The following GLIS3 variants were observed in gnomAD, a reference collection of about 807,000 sequenced individuals.
GLIS3 encodes the protein zinc finger protein GLIS3.
Under a neutral mutation model 78.6 loss-of-function variants are expected in GLIS3, and 53 were observed. The ratio of observed to expected loss-of-function variants is 0.67; its 90% CI spans 0.54 to 0.85. The LOEUF is 0.85. GLIS3 is among the 40% of genes least tolerant of loss of function. The pLI is 0.00. For synonymous variants in GLIS3, 684 were observed against 509.9 expected (o/e 1.34, Z -4.60); for missense variants, 1,703 against 1,231.1 (o/e 1.38, Z -5.74).
Position 4,286,290 on chromosome 9 carries a change from T to C in GLIS3, c.136A>G (p.Thr46Ala). Reference sequence around the variant, plus strand: ...AGGCTTGCCATAGTGGGACTCGATGTGCTGCCACAGGGCGAGGGGCCAGGA... The same window carrying C: ...AGGCTTGCCATAGTGGGACTCGATGCGCTGCCACAGGGCGAGGGGCCAGGA... ...GTPGPSPCGS[T>A]SSPTMASLAN... The change falls in exon 2 of 11, where the codon ACA becomes GCA. Residue 46 changes from threonine to alanine, a missense_variant. Coordinates refer to ENST00000381971, the MANE Select transcript of GLIS3 (RefSeq NM_001042413.2). The C allele has an allele frequency of 6.2e-7, 1 of 1,614,242 alleles. No homozygotes were observed. The highest frequency in any genetic ancestry group is 8.5e-7 in the Non-Finnish European group (1 of 1,180,034).
chr9:3,998,778 TTAA>T lies in GLIS3; in HGVS notation c.1711-61592_1711-61590del, dbSNP rs35895683. Among the ~76,000 whole-genome samples, 344 of 148,584 alleles carry T rather than the reference TTAA, an allele frequency of 2.3e-3. 2 individuals carry two copies. The highest frequency in any genetic ancestry group is 5.9e-3 in the African/African-American group (241 of 41,014). On this transcript the variant is annotated intron_variant, in intron 4 of 10. Coordinates refer to ENST00000381971, the MANE Select transcript of GLIS3 (RefSeq NM_001042413.2). ...TGTTTATTAAAAATAATATTAAATA[TTAA>T]TAATATTTTAATAAAATAATATTTT...
chr9:4,049,554 A>G (rs908154368), intron 4 of GLIS3, among the ~76,000 whole-genome samples: 1 of 152,098 alleles, frequency 6.6e-6, no homozygotes, highest in Non-Finnish European at 1.5e-5. Context: ...TCTTTCCTTC[A>G]TTCTCTTTCA....
At chr9:4,135,347 T>A (rs1168295498) in intron 2 of GLIS3, among the ~76,000 whole-genome samples, 2 of 152,192 alleles carry the variant, frequency 1.3e-5, no homozygotes, top group African/African-American at 2.4e-5. Context: ...CTTAAGGTAA[T>A]GAACTCTAAC....
intron 8 of GLIS3, among the ~76,000 whole-genome samples, chr9:3,857,057 G>A (rs1819842230): frequency 6.6e-6 from 1 of 152,196 alleles, no homozygotes; most frequent in African/African-American, 2.4e-5. Flanking sequence ...TTAGAACAAT[G>A]TTACAGTTTG....
the GLIS3 span, among the ~76,000 whole-genome samples, chr9:4,410,136 A>ATT: frequency 0.015 from 2,029 of 136,286 alleles, 63 homozygotes; most frequent in African/African-American, 0.052. Context: ...ATGCCCGGCT[A>ATT]TTTTTTTTTT....
intron 7 of GLIS3, chr9:3,898,389 G>A (rs1378735803): frequency 1.7e-5 from 7 of 406,024 alleles, no homozygotes; most frequent in African/African-American, 8.2e-5. Flanking sequence ...CATTTCCTTC[G>A]AGTCTAAATC....
the GLIS3 span, among the ~76,000 whole-genome samples, chr9:4,460,571 G>A: frequency 0.01 from 578 of 57,212 alleles, 1 homozygote; most frequent in African/African-American, 0.042. Context: ...CACCCCCCGA[G>A]TTTAAATATG....
chr9:4,090,360 G>T (rs1190815201), intron 4 of GLIS3, among the ~76,000 whole-genome samples: 2 of 151,866 alleles, frequency 1.3e-5, no homozygotes, highest in African/African-American at 4.8e-5. Flanking sequence ...ATCTAAAACT[G>T]ATTCACGCTC....
At chr9:4,376,581 T>A in the GLIS3 span, among the ~76,000 whole-genome samples, 1 of 134,676 alleles carries the variant, frequency 7.4e-6, no homozygotes, top group Admixed American at 7.4e-5. Flanking sequence ...AAAATAGAAG[T>A]CATGTAGGTA....
At chr9:3,931,750 A>T (rs1017315325) in intron 6 of GLIS3, among the ~76,000 whole-genome samples, 2 of 152,168 alleles carry the variant, frequency 1.3e-5, no homozygotes, top group African/African-American at 4.8e-5. Context: ...CAAATCTAAG[A>T]TATTATGATT....
At chr9:4,483,745 G>C in the GLIS3 span, among the ~76,000 whole-genome samples, 1 of 150,690 alleles carries the variant, frequency 6.6e-6, no homozygotes, top group Admixed American at 6.6e-5. Flanking sequence ...AAAAAAAGAG[G>C]TGTTGGTTAA....
chr9:3,830,528 A>G (rs1372857542), intron 9 of GLIS3, among the ~76,000 whole-genome samples: 2 of 152,210 alleles, frequency 1.3e-5, no homozygotes, highest in Non-Finnish European at 2.9e-5. Context: ...GAGTCATTGG[A>G]TAAGGAAGTC....
the GLIS3 span, among the ~76,000 whole-genome samples, chr9:4,384,161 T>G: frequency 6.6e-6 from 1 of 152,206 alleles, no homozygotes; most frequent in Admixed American, 6.5e-5. Flanking sequence ...CAATGAGGTG[T>G]ACACGTTTTC....
chr9:3,860,530 G>C (rs936966439), intron 8 of GLIS3, among the ~76,000 whole-genome samples: 11 of 151,986 alleles, frequency 7.2e-5, no homozygotes, highest in Admixed American at 6.6e-4. Flanking sequence ...CATATCAGTA[G>C]CTCCCAACTG....
chr9:3,855,813 T>C (rs1819743812), intron 9 of GLIS3, 196 bp downstream of exon 9: 2 of 642,928 alleles, frequency 3.1e-6, no homozygotes, highest in Non-Finnish European at 5.6e-6. Flanking sequence ...TCATAAATCA[T>C]ACCATCATCA....
chr9:4,069,133 A>C (rs946717290), intron 4 of GLIS3, among the ~76,000 whole-genome samples: 2 of 152,146 alleles, frequency 1.3e-5, no homozygotes, highest in African/African-American at 4.8e-5. Context: ...GGCTCAATAA[A>C]AATGCCCTGT....
At chr9:3,975,947 G>A (rs942341147) in intron 4 of GLIS3, among the ~76,000 whole-genome samples, 1 of 152,084 alleles carries the variant, frequency 6.6e-6, no homozygotes, top group African/African-American at 2.4e-5. Flanking sequence ...CCAGGTAGGT[G>A]AAACACCATT....
intron 4 of GLIS3, among the ~76,000 whole-genome samples, chr9:4,039,219 C>A (rs1824590374): frequency 6.6e-6 from 1 of 152,158 alleles, no homozygotes; most frequent in Non-Finnish European, 1.5e-5. Flanking sequence ...GAGGGTCCTA[C>A]ATATTTATTC....
chr9:4,467,774 G>T, the GLIS3 span, among the ~76,000 whole-genome samples: 1 of 152,188 alleles, frequency 6.6e-6, no homozygotes, highest in East Asian at 1.9e-4. Flanking sequence ...AACAAAGCTG[G>T]ATGGAGAACG....
Sources: allele counts gnomAD v4.1 joint callset (sites outside exome capture counted in the v4.1 genomes callset), GRCh38; gene constraint gnomAD v4.1.1; transcripts MANE v1.5; gene names NCBI Gene and HGNC (gene_info 2026-07-23, HGNC 2026-07-21).